Variants in FANCC observed in about 807,000 individuals in gnomAD.
FANCC encodes the protein Fanconi anemia group C protein.
FANCC carries 55 observed loss-of-function variants against 71.3 expected under a neutral mutation model. The observed-to-expected ratio is 0.77, with a 90% CI of 0.62 to 0.97. The LOEUF is 0.97. Among genes scored for constraint, FANCC ranks in the 50% least tolerant of loss-of-function variants. FANCC has a pLI of 0.00. For missense variants in FANCC, 678 were observed against 670.9 expected, an observed-to-expected ratio of 1.01 and a Z score of -0.12; for synonymous variants, 275 against 244.9, an observed-to-expected ratio of 1.12 and a Z score of -1.15.
intron 1 of FANCC, among the ~76,000 whole-genome samples, chr9:95,301,802 G>A (rs1056259123): frequency 3.3e-5 from 5 of 151,892 alleles, no homozygotes; most frequent in African/African-American, 1.2e-4. Flanking sequence ...AAAAGGCCTG[G>A]CGCGGTGGCT....
chr9:95,125,689 T>C (rs891148194), intron 9 of FANCC, among the ~76,000 whole-genome samples: 2 of 152,252 alleles, frequency 1.3e-5, no homozygotes, highest in African/African-American at 4.8e-5. Context: ...TCTCAAATTT[T>C]GCTAGCTTTA....
intron 4 of FANCC, among the ~76,000 whole-genome samples, chr9:95,212,562 T>C (rs1255443592): frequency 1.4e-4 from 21 of 151,566 alleles, no homozygotes; most frequent in Admixed American, 1.4e-3. Flanking sequence ...CTGAGAAAAT[T>C]TGTCAGCAGC....
rs372108908 is a variant in FANCC, at chr9:95,200,399, C to T, written c.346-28252G>A. On this transcript the variant is annotated intron_variant, in intron 4 of 14. Coordinates refer to ENST00000289081, the MANE Select transcript of FANCC (RefSeq NM_000136.3). Reference sequence around the variant, plus strand: ...GGGGTAAGTCTCATTTCAAAATGTGCGAAACTTTGTAAGCAGTCAATAAGT... The same window carrying T: ...GGGGTAAGTCTCATTTCAAAATGTGTGAAACTTTGTAAGCAGTCAATAAGT... Among the ~76,000 whole-genome samples the T allele has an allele frequency of 3.3e-5, 5 of 152,248 alleles. No homozygotes were observed. The East Asian group carries it at 5.8e-4, about 18-fold the overall frequency.
intron 8 of FANCC, among the ~76,000 whole-genome samples, chr9:95,129,753 A>G (rs1158741387): frequency 6.6e-6 from 1 of 152,142 alleles, no homozygotes; most frequent in African/African-American, 2.4e-5. Context: ...CTTCAATAAC[A>G]TGAGTCTTGT....
intron 1 of FANCC, among the ~76,000 whole-genome samples, chr9:95,281,182 C>G (rs142171222): frequency 0.013 from 2,047 of 152,072 alleles, 53 homozygotes; most frequent in African/African-American, 0.046. Context: ...TAGCTATCCA[C>G]GTACAGGAAG....
At chr9:95,171,488 A>C (rs1164813589) in intron 5 of FANCC, among the ~76,000 whole-genome samples, 1 of 152,164 alleles carries the variant, frequency 6.6e-6, no homozygotes, top group African/African-American at 2.4e-5. Flanking sequence ...TTATTGTACA[A>C]AGCTTCCAAA....
chr9:95,107,301 A>T (rs758459020), intron 13 of FANCC, 32 bp from the exon 14 acceptor site: 1 of 1,600,152 alleles, frequency 6.2e-7, no homozygotes, highest in Non-Finnish European at 8.5e-7. Context: ...GGGAGAGGTT[A>T]GGAAGAGGCA....
chr9:95,116,576 A>G (rs1415910547), intron 11 of FANCC, among the ~76,000 whole-genome samples: 5 of 152,146 alleles, frequency 3.3e-5, no homozygotes, highest in Non-Finnish European at 7.4e-5. Context: ...CTCTCCTCCC[A>G]TGCTCCAATA....
intron 1 of FANCC, among the ~76,000 whole-genome samples, chr9:95,263,073 G>A (rs560882252): frequency 6.6e-6 from 1 of 152,200 alleles, no homozygotes; most frequent in Non-Finnish European, 1.5e-5. Context: ...ACATGTAAAA[G>A]TGGTTAAGAT....
intron 1 of FANCC, among the ~76,000 whole-genome samples, chr9:95,295,043 G>T (rs1199699608): frequency 1.3e-5 from 2 of 152,038 alleles, no homozygotes; most frequent in Non-Finnish European, 2.9e-5. Flanking sequence ...ACACAAAATG[G>T]GCTAAATGTA....
At chr9:95,145,504 G>A (rs563454961) in intron 7 of FANCC, 3 of 152,254 alleles carry the variant, frequency 2.0e-5, no homozygotes, top group Admixed American at 6.5e-5. Flanking sequence ...ACAACACTGG[G>A]TGTCTTCCCT....
intron 6 of FANCC, among the ~76,000 whole-genome samples, chr9:95,155,889 T>C (rs28376490): frequency 3.7e-5 from 2 of 54,616 alleles, no homozygotes; most frequent in Admixed American, 4.8e-4. Flanking sequence ...TGGCTTTTTT[T>C]GGGTTTTTTT....
At chr9:95,297,680 A>T (rs1834467028) in intron 1 of FANCC, among the ~76,000 whole-genome samples, 1 of 152,232 alleles carries the variant, frequency 6.6e-6, no homozygotes, top group Non-Finnish European at 1.5e-5. Context: ...CTACAAAAGG[A>T]TTTCTCAAAA....
At chr9:95,228,340 C>G (rs1829760275) in intron 4 of FANCC, among the ~76,000 whole-genome samples, 1 of 152,166 alleles carries the variant, frequency 6.6e-6, no homozygotes, top group Non-Finnish European at 1.5e-5. Flanking sequence ...ATTTTTCTAA[C>G]CTTAACTTCT....
At chr9:95,285,221 T>C (rs1249636386) in intron 1 of FANCC, among the ~76,000 whole-genome samples, 2 of 152,010 alleles carry the variant, frequency 1.3e-5, no homozygotes, top group Non-Finnish European at 2.9e-5. Context: ...AGAATATAAC[T>C]ATGATGGAAT....
chr9:95,245,333 G>T (rs1248060920), intron 3 of FANCC, among the ~76,000 whole-genome samples: 2 of 152,018 alleles, frequency 1.3e-5, no homozygotes, highest in African/African-American at 4.8e-5. Flanking sequence ...AACATGGACT[G>T]CACAGAATAA....
Position 95,145,651 on chromosome 9 carries a change from C to G in FANCC, c.686+4272G>C, listed in dbSNP as rs187366339. Reference sequence around the variant, plus strand: ...TATTTTGTATTGAACACAGTTGATGCCAGCACTAAAGCAGTGATACTGCCG... The same window carrying G: ...TATTTTGTATTGAACACAGTTGATGGCAGCACTAAAGCAGTGATACTGCCG... On this transcript the variant is annotated intron_variant, in intron 7 of 14. Transcript: ENST00000289081. 1.3e-3 allele frequency: 205 copies of G among 152,194 alleles called. 2 individuals carry two copies. Among genetic ancestry groups the G allele is most frequent in the Non-Finnish European group, 7.2e-4 (49 of 68,010 alleles). 9.4% of individuals were successfully genotyped at this position (152,194 alleles called of 1,614,324 possible). A position where few individuals can be genotyped will look rare whatever the true frequency, so the allele number is the denominator to read the frequency against.
In FANCC at chr9:95,292,631, C is replaced by G. The variant is rs540321334; in HGVS notation, c.-79+24895G>C. On this transcript the variant is annotated intron_variant, in intron 1 of 14. Transcript: ENST00000289081. ...GCCGCAAGATCCTGCCCAACAGCCC[C>G]GCGCTCAACATGCACCTGGTCAAGA... is the stretch of plus-strand genomic sequence containing the variant. 2.5e-4 allele frequency: 359 copies of G among 1,415,126 alleles called. 1 individual carries two copies. In the African/African-American group the frequency reaches 4.3e-3, roughly 17 times the overall value. 87.7% of individuals were successfully genotyped at this position (1,415,126 alleles called of 1,614,324 possible). A position where few individuals can be genotyped will look rare whatever the true frequency, so the allele number is the denominator to read the frequency against.
intron 4 of FANCC, among the ~76,000 whole-genome samples, chr9:95,203,587 C>A (rs1160219229): frequency 6.6e-6 from 1 of 151,950 alleles, no homozygotes; most frequent in Non-Finnish European, 1.5e-5. Flanking sequence ...TCCCAAAGCA[C>A]TTTTTATTTT....
Sources: gnomAD v4.1 joint callset for allele counts (sites outside exome capture counted in the v4.1 genomes callset) on GRCh38, gnomAD v4.1.1 for gene constraint, MANE v1.5 for transcripts, NCBI Gene and HGNC (gene_info 2026-07-23, HGNC 2026-07-21) for gene names.